FAM50B: variants seen among roughly 807,000 people sequenced by gnomAD.
The protein encoded by FAM50B is protein FAM50B.
Under a neutral mutation model 25.4 loss-of-function variants are expected in FAM50B, and 9 were observed. The observed-to-expected ratio is 0.35, with a 90% confidence interval of 0.21 to 0.62. The LOEUF (loss-of-function observed/expected upper bound fraction) is 0.62. Ranked by LOEUF, FAM50B falls within the 20% of genes least tolerant of loss-of-function variation. The pLI is 0.73. For missense variants in FAM50B, 372 were observed against 477.9 expected, an observed-to-expected ratio of 0.78 and a Z score of 2.07; for synonymous variants, 212 against 204.3, an observed-to-expected ratio of 1.04 and a Z score of -0.32.
the FAM50B span, among the ~76,000 whole-genome samples, chr6:3,832,556 G>A: frequency 1.2e-4 from 18 of 152,238 alleles, no homozygotes; most frequent in Middle Eastern, 3.4e-3. Context: ...GCAACCCACC[G>A]GGCACTCACT....
At position 3,849,404 on chromosome 6, in the gene FAM50B, C is replaced by G. The variant is rs1313727578; in HGVS notation, c.-106C>G. 1 of 171,748 alleles carries G rather than the reference C, an allele frequency of 5.8e-6. No individual in the cohort carries two copies. The highest frequency in any genetic ancestry group is 1.6e-4 in the South Asian group (1 of 6,288). 10.6% of individuals were successfully genotyped at this position (171,748 alleles called of 1,614,324 possible). A position where few individuals can be genotyped will look rare whatever the true frequency, so the allele number is the denominator to read the frequency against. ...TGTGTCCACGGCTGTCGCGAGAGCC[C>G]GGGGCGAGTGGGCCTCTGCTCGTGG... On this transcript the variant is annotated 5_prime_UTR_variant, in exon 1 of 2. Transcript: ENST00000648326.
chr6:3,846,805 T>C (rs1762129140), upstream of FAM50B, among the ~76,000 whole-genome samples: 1 of 152,224 alleles, frequency 6.6e-6, no homozygotes, highest in South Asian at 2.1e-4. Context: ...GGAAATGTAT[T>C]TCTTAAATAA....
the FAM50B span, among the ~76,000 whole-genome samples, chr6:3,841,222 A>T: frequency 1.1e-4 from 16 of 152,202 alleles, no homozygotes; most frequent in Non-Finnish European, 1.6e-4. Context: ...CTGTTTAAAG[A>T]ATAAACCCTA....
upstream of FAM50B, among the ~76,000 whole-genome samples, chr6:3,845,722 C>T (rs1474999652): frequency 1.3e-5 from 2 of 151,790 alleles, no homozygotes; most frequent in African/African-American, 4.8e-5. Context: ...TATGAAAGGG[C>T]AACTTTTTTT....
At chr6:3,833,889 C>T in the FAM50B span, 1 of 152,128 alleles carries the variant, frequency 6.6e-6, no homozygotes, top group South Asian at 2.1e-4. Flanking sequence ...TTATTTAAAC[C>T]AGTGAAAGTC....
chr6:3,845,591 G>GTGGTGA (rs1561773561), upstream of FAM50B, among the ~76,000 whole-genome samples: 1 of 152,178 alleles, frequency 6.6e-6, no homozygotes, highest in Non-Finnish European at 1.5e-5. Flanking sequence ...CCATCTGTGG[G>GTGGTGA]TGGTGATGGT....
Position 3,850,467 on chromosome 6 carries a change from G to C in FAM50B, c.656G>C (p.Gly219Ala). 1 of 1,613,554 alleles carries C rather than the reference G, an allele frequency of 6.2e-7. No individual in the cohort carries two copies. The highest frequency in any genetic ancestry group is 8.5e-7 in the Non-Finnish European group (1 of 1,180,012). ...VQQFLKKALQ[G>A]LRKDFLELRS... The stretch of plus-strand genomic sequence containing the variant: ...CAGTTCCTGAAGAAGGCGCTGCAGG[G>C]GCTGCGCAAGGACTTCCTGGAGCTG... Residue 219 changes from glycine (G) to alanine (A), a missense_variant, in exon 2 of 2, where the codon GGG (glycine) becomes GCG (alanine). By Grantham distance (60) the Gly-to-Ala change is moderately conservative. Transcript: ENST00000648326.
At chr6:3,832,252 G>A in the FAM50B span, among the ~76,000 whole-genome samples, 2 of 152,304 alleles carry the variant, frequency 1.3e-5, 1 homozygote, top group South Asian at 4.2e-4. Flanking sequence ...CTTTTTAGAA[G>A]GTGGTTGTAA....
At chr6:3,844,275 G>A in the FAM50B span, among the ~76,000 whole-genome samples, 3 of 151,862 alleles carry the variant, frequency 2.0e-5, no homozygotes, top group Non-Finnish European at 4.4e-5. Flanking sequence ...GTATTTAATC[G>A]GCATTTCTGA....
At chr6:3,840,346 G>A in the FAM50B span, among the ~76,000 whole-genome samples, 7 of 151,948 alleles carry the variant, frequency 4.6e-5, no homozygotes, top group South Asian at 1.5e-3. Context: ...GGTGGGGGGT[G>A]CCTGTAATCC....
the FAM50B span, among the ~76,000 whole-genome samples, chr6:3,838,718 G>A: frequency 6.6e-6 from 1 of 151,760 alleles, no homozygotes. Context: ...TTGGGCACCT[G>A]TAATCCCAGC....
the FAM50B span, among the ~76,000 whole-genome samples, chr6:3,842,232 G>C: frequency 6.6e-6 from 1 of 152,220 alleles, no homozygotes; most frequent in Non-Finnish European, 1.5e-5. Context: ...CAGAGAGCCA[G>C]AGCTGGCTTC....
At position 3,849,843 on chromosome 6, in the gene FAM50B, C is replaced by T; in HGVS notation, c.32C>T (p.Ala11Val). MAQYKGTMRE[A>V]GRAMHLLKKR... The stretch of plus-strand genomic sequence containing the variant: ...CAGTACAAGGGCACCATGCGCGAGG[C>T]AGGCCGTGCCATGCACCTCCTCAAG... The change falls in exon 2 of 2, where the codon GCA becomes GTA. Residue 11 changes from alanine to valine, a missense_variant. Around this residue, in one of 4 missense-constraint regions of FAM50B, gnomAD observed 64 missense variants for 118.3 expected, o/e 0.54. Transcript: ENST00000648326. 2 of 1,612,402 alleles carry T rather than the reference C, an allele frequency of 1.2e-6. No individual in the cohort carries two copies. Among genetic ancestry groups the T allele is most frequent in the Non-Finnish European group, 1.7e-6 (2 of 1,179,404 alleles).
chr6:3,838,875 A>C, the FAM50B span, among the ~76,000 whole-genome samples: 1 of 151,752 alleles, frequency 6.6e-6, no homozygotes, highest in Non-Finnish European at 1.5e-5. Context: ...CACACAAGAA[A>C]AAAAAGAATG....
In FAM50B at chr6:3,850,355, G is replaced by A. The variant is rs754758966; in HGVS notation, c.544G>A (p.Asp182Asn). 1.2e-6 allele frequency: 2 copies of A among 1,613,384 alleles called. No homozygotes were observed. Among genetic ancestry groups the A allele is most frequent in the South Asian group, 1.1e-5 (1 of 91,088 alleles). ...EWEAQREKVKDEEMEVTFSYW... is the reference protein window; with the variant it reads ...EWEAQREKVKNEEMEVTFSYW... Reference sequence around the variant, plus strand: ...GGAGGCGCAGCGCGAGAAAGTGAAGGACGAGGAGATGGAGGTCACCTTCAG... The same window carrying A: ...GGAGGCGCAGCGCGAGAAAGTGAAGAACGAGGAGATGGAGGTCACCTTCAG... The change falls in exon 2 of 2, where the codon GAC becomes AAC. Residue 182 changes from aspartate to asparagine, a missense_variant. Physicochemically the swap from Asp to Asn is conservative, Grantham distance 23 (BLOSUM62 1). Transcript: ENST00000648326.
At position 3,850,148 on chromosome 6, in the gene FAM50B, C is replaced by G; in HGVS notation, c.337C>G (p.Arg113Gly). 4 of 1,611,794 alleles carry G rather than the reference C, an allele frequency of 2.5e-6. No homozygotes were observed. Among genetic ancestry groups the G allele is most frequent in the Non-Finnish European group, 3.4e-6 (4 of 1,179,584 alleles). ...GCGGGAGCAGGAGCAGCGGCGCGAG[C>G]GCAAGCGTAAGATCTCCTGCCTGTC... ...RQREQEQRRE[R>G]KRKISCLSFA... is the part of the protein sequence containing the mutation. Residue 113 changes from arginine (R) to glycine (G), a missense_variant, in exon 2 of 2, where the codon CGC becomes GGC. This residue lies in a region of FAM50B where 224 missense variants were observed against 232.2 expected (regional missense o/e 0.96). Coordinates refer to ENST00000648326, the MANE Select transcript of FAM50B (RefSeq NM_012135.3).
rs547607174 is a variant in FAM50B at position 3,850,510 on chromosome 6, G to A, written c.699G>A (p.Glu233=). Residue 233 remains glutamate (E), a synonymous_variant, in exon 2 of 2, where the codon GAG becomes GAA. Coordinates refer to ENST00000648326, the MANE Select transcript of FAM50B (RefSeq NM_012135.3). ...TGGAGCTGCGCTCCGCCGGCGTGGA[G>A]CAGCTCATGTTCATCAAGGAGGACC... is the stretch of plus-strand genomic sequence containing the variant. The part of the protein sequence containing the change: ...DFLELRSAGV[E]QLMFIKEDLI... 36 of 1,613,726 alleles carry A rather than the reference G, an allele frequency of 2.2e-5. No homozygotes were observed. In the South Asian group the frequency reaches 3.5e-4, roughly 16 times the overall value.
At chr6:3,846,074 G>A (rs1390031417), upstream of FAM50B, among the ~76,000 whole-genome samples, 3 of 152,064 alleles carry the variant, frequency 2.0e-5, no homozygotes. Flanking sequence ...AATGCTGCAG[G>A]GGTCCACCTA....
chr6:3,844,759 A>C (rs1249108637), upstream of FAM50B, among the ~76,000 whole-genome samples: 2 of 152,210 alleles, frequency 1.3e-5, no homozygotes, highest in African/African-American at 4.8e-5. Context: ...AAAAGTCATC[A>C]AATGGGATGC....
Sources: gnomAD v4.1 joint callset for allele counts (sites outside exome capture counted in the v4.1 genomes callset) on GRCh38, gnomAD v4.1.1 for gene constraint, gnomAD v4.1.1 regional missense constraint, MANE v1.5 for transcripts, NCBI Gene and HGNC (gene_info 2026-07-23, HGNC 2026-07-21) for gene names.